CDKAL1: variants seen among roughly 807,000 people sequenced by gnomAD.
CDKAL1 encodes CDKAL1 threonylcarbamoyladenosine tRNA methylthiotransferase.
In CDKAL1, 32 loss-of-function variants were observed where a neutral mutation model predicts 68.2. That is an observed-to-expected ratio of 0.47 (90% CI 0.35 to 0.63). The LOEUF (loss-of-function observed/expected upper bound fraction) is 0.63. Among genes scored for constraint, CDKAL1 ranks in the 30% least tolerant of loss-of-function variants. The probability of loss-of-function intolerance (pLI) is 0.00; values close to 1 mark genes in which losing one functional copy is unlikely to be tolerated. For missense variants in CDKAL1, 606 were observed against 696.7 expected (o/e 0.87, Z 1.47); for synonymous variants, 234 against 244.3 (o/e 0.96, Z 0.39).
chr6:20,752,491 A>G (rs973326624), intron 6 of CDKAL1, among the ~76,000 whole-genome samples: 6 of 152,276 alleles, frequency 3.9e-5, no homozygotes, highest in East Asian at 3.9e-4. Flanking sequence ...GCATGCACAC[A>G]TGTACACACA....
rs115070783 is a variant in CDKAL1, at chr6:21,065,315, T to G, written c.1236+87T>G. 1,588 of 1,024,552 alleles carry G rather than the reference T, an allele frequency of 1.5e-3. 19 individuals are homozygous for G. In the African/African-American group the frequency reaches 0.024, roughly 15 times the overall value. The allele number at this position is 1,024,552 out of a possible 1,614,324, so 63.5% of individuals were successfully genotyped here. On this transcript the variant is annotated intron_variant, in intron 12 of 15. Coordinates refer to ENST00000274695, the MANE Select transcript of CDKAL1 (RefSeq NM_017774.3). Reference sequence around the variant, plus strand: ...TGCCTACCTTCACACAACTTGCTCATGTTATAACCCTTAAATTACAAAATA... The same window carrying G: ...TGCCTACCTTCACACAACTTGCTCAGGTTATAACCCTTAAATTACAAAATA...
At chr6:21,101,961 G>A (rs1003482796) in intron 12 of CDKAL1, among the ~76,000 whole-genome samples, 4 of 151,936 alleles carry the variant, frequency 2.6e-5, no homozygotes, top group African/African-American at 9.7e-5. Context: ...TTTTTTTTCT[G>A]AGTGATTTTG....
At chr6:20,895,224 A>C (rs1440054503) in intron 9 of CDKAL1, among the ~76,000 whole-genome samples, 1 of 152,204 alleles carries the variant, frequency 6.6e-6, no homozygotes, top group Non-Finnish European at 1.5e-5. Context: ...ATAGCTCTAT[A>C]GTATTCCATC....
intron 4 of CDKAL1, among the ~76,000 whole-genome samples, chr6:20,603,539 A>C (rs1766196744): frequency 1.3e-5 from 2 of 152,148 alleles, no homozygotes; most frequent in Admixed American, 6.6e-5. Context: ...TGAGTGAAGA[A>C]GAAAATTTGA....
intron 8 of CDKAL1, among the ~76,000 whole-genome samples, chr6:20,788,657 A>T (rs1775772629): frequency 6.6e-6 from 1 of 152,214 alleles, no homozygotes; most frequent in African/African-American, 2.4e-5. Context: ...TGTATAGCTT[A>T]GCACATTAAT....
intron 7 of CDKAL1, among the ~76,000 whole-genome samples, chr6:20,771,391 G>A (rs1774935669): frequency 6.6e-6 from 1 of 152,128 alleles, no homozygotes; most frequent in South Asian, 2.1e-4. Flanking sequence ...TACAGTACAA[G>A]ATTATTCAGT....
At chr6:21,223,183 T>C (rs1482169513) in intron 15 of CDKAL1, among the ~76,000 whole-genome samples, 1 of 152,198 alleles carries the variant, frequency 6.6e-6, no homozygotes, top group African/African-American at 2.4e-5. Context: ...ATAGTCATTG[T>C]AATAACTATG....
intron 9 of CDKAL1, among the ~76,000 whole-genome samples, chr6:20,916,391 A>T (rs1364862418): frequency 2.0e-5 from 3 of 152,180 alleles, no homozygotes; most frequent in Admixed American, 6.6e-5. Context: ...TTTTGGAAGG[A>T]TGGAGGAAGA....
At chr6:20,565,960 A>C (rs1764444584) in intron 4 of CDKAL1, among the ~76,000 whole-genome samples, 1 of 152,134 alleles carries the variant, frequency 6.6e-6, no homozygotes, top group Admixed American at 6.5e-5. Flanking sequence ...TGGGAAAATT[A>C]GAAAAAGCAA....
chr6:20,830,253 A>G (rs1348309602), intron 8 of CDKAL1, among the ~76,000 whole-genome samples: 1 of 152,236 alleles, frequency 6.6e-6, no homozygotes, highest in Non-Finnish European at 1.5e-5. Flanking sequence ...AAAACAAAAT[A>G]AATGATAGTA....
intron 4 of CDKAL1, among the ~76,000 whole-genome samples, chr6:20,631,118 C>T (rs976421091): frequency 2.0e-5 from 3 of 152,176 alleles, no homozygotes; most frequent in African/African-American, 4.8e-5. Context: ...TGTGTTGTCA[C>T]TATTACTCAA....
At chr6:21,196,472 AG>A (rs1194214766) in intron 13 of CDKAL1, among the ~76,000 whole-genome samples, 4 of 152,318 alleles carry the variant, frequency 2.6e-5, no homozygotes, top group Admixed American at 2.0e-4. Context: ...ATTGTTTTTC[AG>A]ACAGTGAAAA....
chr6:21,111,255 A>G (rs1229756698), intron 13 of CDKAL1, among the ~76,000 whole-genome samples: 1 of 152,236 alleles, frequency 6.6e-6, no homozygotes. Flanking sequence ...TATGCCAAAA[A>G]AAGAATAGTC....
At chr6:20,586,568 G>A (rs1468200558) in intron 4 of CDKAL1, among the ~76,000 whole-genome samples, 1 of 152,134 alleles carries the variant, frequency 6.6e-6, no homozygotes, top group Non-Finnish European at 1.5e-5. Flanking sequence ...AACCTGGGAG[G>A]CGGAGGTTGC....
At chr6:20,975,567 GGT>G (rs901731676) in intron 10 of CDKAL1, among the ~76,000 whole-genome samples, 3 of 151,938 alleles carry the variant, frequency 2.0e-5, no homozygotes, top group African/African-American at 4.8e-5. Flanking sequence ...TCTTCTCTAA[GGT>G]GTGTGAATAT....
chr6:20,799,040 G>GTTTTTTTTTTTTT lies in CDKAL1; in HGVS notation c.638+17792_638+17804dup, dbSNP rs754008816. ...GGCCCATATATTTGAAAAGAACTGA[G>GTTTTTTTTTTTTT]TTTTTTTTTTTTTTTTTTTTTTTTT... On this transcript the variant is annotated intron_variant, in intron 8 of 15. Coordinates refer to ENST00000274695, the MANE Select transcript of CDKAL1 (RefSeq NM_017774.3). 5.4e-3 allele frequency among the ~76,000 whole-genome samples: 258 copies of GTTTTTTTTTTTTT among 47,504 alleles called. 80 individuals are homozygous for GTTTTTTTTTTTTT. The highest frequency in any genetic ancestry group is 0.012 in the African/African-American group (140 of 11,744). The allele number at this position is 47,504 out of a possible 152,430, so 31.2% of individuals were successfully genotyped here.
intron 13 of CDKAL1, among the ~76,000 whole-genome samples, chr6:21,138,691 A>G (rs1178424749): frequency 6.6e-6 from 1 of 152,168 alleles, no homozygotes; most frequent in Non-Finnish European, 1.5e-5. Context: ...ACACTTGGAA[A>G]TGCTGAATTA....
chr6:20,854,631 C>T (rs1241307407), intron 9 of CDKAL1, among the ~76,000 whole-genome samples: 1 of 152,204 alleles, frequency 6.6e-6, no homozygotes, highest in African/African-American at 2.4e-5. Flanking sequence ...AAGTTTGTTA[C>T]ATTTGTTCAT....
At chr6:20,880,946 T>G (rs1760781791) in intron 9 of CDKAL1, among the ~76,000 whole-genome samples, 1 of 152,208 alleles carries the variant, frequency 6.6e-6, no homozygotes, top group South Asian at 2.1e-4. Flanking sequence ...CTCTGAAGAT[T>G]AGGGAAGTCA....
Sources: gnomAD v4.1 joint callset for allele counts (sites outside exome capture counted in the v4.1 genomes callset) on GRCh38, gnomAD v4.1.1 for gene constraint, MANE v1.5 for transcripts, NCBI Gene and HGNC (gene_info 2026-07-23, HGNC 2026-07-21) for gene names.